Variants in SLC6A11 observed in about 807,000 individuals in gnomAD.
SLC6A11 encodes the protein solute carrier family 6 member 11.
A neutral mutation model predicts 74.8 loss-of-function variants in SLC6A11; 25 were observed. The ratio of observed to expected loss-of-function variants is 0.33; its 90% CI spans 0.24 to 0.47. The LOEUF (loss-of-function observed/expected upper bound fraction) is 0.47, where lower values mean the gene tolerates loss of function less well. SLC6A11 is among the 20% of genes least tolerant of loss of function. The probability of loss-of-function intolerance (pLI) is 1.00; values close to 1 mark genes in which losing one functional copy is unlikely to be tolerated. For synonymous variants in SLC6A11, 330 were observed against 330.2 expected, an observed-to-expected ratio of 1.00 and a Z score of 0.01; for missense variants, 574 against 837.0, an observed-to-expected ratio of 0.69 and a Z score of 3.88.
At chr3:10,870,194 A>G (rs143463722) in intron 5 of SLC6A11, among the ~76,000 whole-genome samples, 161 of 152,288 alleles carry the variant, frequency 1.1e-3, no homozygotes, top group African/African-American at 3.7e-3. Context: ...ACCTGTCTCC[A>G]TAGCCTCCTT....
At chr3:10,843,387 C>T (rs955772006) in intron 4 of SLC6A11, among the ~76,000 whole-genome samples, 6 of 152,278 alleles carry the variant, frequency 3.9e-5, no homozygotes, top group Non-Finnish European at 5.9e-5. Context: ...TCCCTGCCTC[C>T]CAGCTTGCTG....
intron 6 of SLC6A11, among the ~76,000 whole-genome samples, chr3:10,886,261 G>A (rs192313814): frequency 1.9e-4 from 29 of 152,296 alleles, no homozygotes; most frequent in African/African-American, 6.7e-4. Context: ...CGACTCCCTT[G>A]CTCACCACCC....
At chr3:10,829,781 G>C (rs1694270692) in intron 4 of SLC6A11, among the ~76,000 whole-genome samples, 1 of 152,194 alleles carries the variant, frequency 6.6e-6, no homozygotes, top group Admixed American at 6.5e-5. Flanking sequence ...AATAGTAGCT[G>C]TTTTTACACA....
At chr3:10,912,033 C>A in intron 6 of SLC6A11, 57 bp from the exon 7 acceptor site, 1 of 1,153,434 alleles carries the variant, frequency 8.7e-7, no homozygotes, top group Non-Finnish European at 1.3e-6. Context: ...ACCAGGGCTA[C>A]CCTCTCACCA....
intron 5 of SLC6A11, among the ~76,000 whole-genome samples, chr3:10,874,410 T>G (rs959866694): frequency 6.6e-6 from 1 of 152,182 alleles, no homozygotes; most frequent in Non-Finnish European, 1.5e-5. Flanking sequence ...ACAGGCCGTG[T>G]TAGGGGTTAC....
At chr3:10,841,513 T>C (rs1694437146) in intron 4 of SLC6A11, among the ~76,000 whole-genome samples, 1 of 152,232 alleles carries the variant, frequency 6.6e-6, no homozygotes, top group African/African-American at 2.4e-5. Flanking sequence ...AGGAAAATAA[T>C]TTGAGGATGT....
chr3:10,832,121 A>G (rs1694305885), intron 4 of SLC6A11, among the ~76,000 whole-genome samples: 1 of 152,242 alleles, frequency 6.6e-6, no homozygotes, highest in African/African-American at 2.4e-5. Context: ...AAAAAAATTC[A>G]ATTTTACCAT....
intron 1 of SLC6A11, among the ~76,000 whole-genome samples, chr3:10,818,238 C>T (rs1476318893): frequency 6.6e-6 from 1 of 150,706 alleles, no homozygotes; most frequent in Admixed American, 6.6e-5. Context: ...GGTCAAAAGG[C>T]TTTCTGAAAG....
intron 5 of SLC6A11, among the ~76,000 whole-genome samples, chr3:10,848,059 A>G (rs1694526596): frequency 6.6e-6 from 1 of 152,200 alleles, no homozygotes; most frequent in Non-Finnish European, 1.5e-5. Context: ...GCCTCAGCAC[A>G]AATTTCCATT....
chr3:10,819,385 T>C, intron 1 of SLC6A11, 80 bp from the exon 2 acceptor site: 1 of 1,371,362 alleles, frequency 7.3e-7, no homozygotes, highest in Non-Finnish European at 1.0e-6. Flanking sequence ...TGGCCTGTAG[T>C]AGATGTTTAT....
rs562776186 is a variant in SLC6A11, at chr3:10,831,755, A to C, written c.623+8363A>C. On this transcript the variant is annotated intron_variant, in intron 4 of 13. Transcript: ENST00000254488. The stretch of plus-strand genomic sequence containing the variant: ...GTTAGTGAATAAGCTGTTACGTGTC[A>C]TAATGAACCCTCCTGTTTGTGTAAC... Among the ~76,000 whole-genome samples, 4 of 152,384 alleles carry C rather than the reference A, an allele frequency of 2.6e-5. No homozygotes were observed. In the East Asian group the frequency reaches 7.7e-4, roughly 29 times the overall value.
chr3:10,856,061 A>T (rs1694635378), intron 5 of SLC6A11, among the ~76,000 whole-genome samples: 1 of 152,132 alleles, frequency 6.6e-6, no homozygotes, highest in African/African-American at 2.4e-5. Context: ...ATGTGCTAGG[A>T]CCCATTTGAT....
At position 10,816,386 on chromosome 3, in the gene SLC6A11, G is replaced by T. The variant is rs199992589; in HGVS notation, c.121G>T (p.Val41Phe). 1.1e-5 allele frequency: 16 copies of T among 1,520,638 alleles called. No individual in the cohort carries two copies. In the Middle Eastern group the frequency reaches 1.2e-3, roughly 114 times the overall value. 94.2% of individuals were successfully genotyped at this position (1,520,638 alleles called of 1,614,324 possible). Residue 41 changes from valine to phenylalanine, a missense_variant, in exon 1 of 14, where the codon GTC becomes TTC. By Grantham distance (50) the Val-to-Phe change is conservative. Transcript: ENST00000254488. The surrounding 1 kb of genome is among the most constrained non-coding windows in gnomAD (Gnocchi z 4.2). Reference sequence around the variant, plus strand: ...CGCGGCGCCCGCGCGCCACCCGCGCGTCAAGCGCGACAAGGCGGTCCACGA... The same window carrying T: ...CGCGGCGCCCGCGCGCCACCCGCGCTTCAAGCGCGACAAGGCGGTCCACGA... The part of the protein sequence containing the change: ...GGAAPARHPR[V>F]KRDKAVHERG...
chr3:10,825,148 A>G (rs1478929721), intron 4 of SLC6A11: 1 of 147,142 alleles, frequency 6.8e-6, no homozygotes, highest in Non-Finnish European at 1.5e-5. Flanking sequence ...GCGCCACTGC[A>G]CTCCAGCCTG....
Position 10,837,406 on chromosome 3 carries a change from T to C in SLC6A11, c.624-6808T>C, listed in dbSNP as rs1380496855. ...AGGGTACTGGCTCCACTGACACTCA[T>C]AATCACACAATTCCCCATCTTTCCC... On this transcript the variant is annotated intron_variant, in intron 4 of 13. Transcript: ENST00000254488. Among the ~76,000 whole-genome samples, 2 of 152,156 alleles carry C rather than the reference T, an allele frequency of 1.3e-5. 1 individual carries two copies. The highest frequency in any genetic ancestry group is 1.3e-4 in the Admixed American group (2 of 15,278).
intron 4 of SLC6A11, among the ~76,000 whole-genome samples, chr3:10,831,788 AT>A (rs1358918306): frequency 6.6e-6 from 1 of 152,234 alleles, no homozygotes; most frequent in Non-Finnish European, 1.5e-5. Context: ...AACGAATCCC[AT>A]TTACAGTAGT....
chr3:10,870,158 C>T (rs911640353), intron 5 of SLC6A11, among the ~76,000 whole-genome samples: 2 of 152,138 alleles, frequency 1.3e-5, no homozygotes, highest in African/African-American at 4.8e-5. Flanking sequence ...GGATCCCTTC[C>T]CGGAGACCCT....
At chr3:10,907,382 A>C (rs1695318218) in intron 6 of SLC6A11, among the ~76,000 whole-genome samples, 1 of 152,200 alleles carries the variant, frequency 6.6e-6, no homozygotes, top group African/African-American at 2.4e-5. Context: ...GAATGAAAGA[A>C]AAAGTGATAG....
chr3:10,819,677 A>G (rs1453841014), intron 2 of SLC6A11, 35 bp from the exon 3 acceptor site: 107 of 1,611,268 alleles, frequency 6.6e-5, no homozygotes, highest in Non-Finnish European at 8.3e-5. Flanking sequence ...TTGAAAAGAT[A>G]GACTCAAATT....
Sources: allele counts gnomAD v4.1 joint callset (sites outside exome capture counted in the v4.1 genomes callset), GRCh38; gene constraint gnomAD v4.1.1; non-coding constraint Gnocchi (gnomAD v3.1); transcripts MANE v1.5; gene names NCBI Gene and HGNC (gene_info 2026-07-23, HGNC 2026-07-21).